DISC1: variants seen among roughly 807,000 people sequenced by gnomAD.
The protein encoded by DISC1 is DISC1 scaffold protein, also known as disrupted in schizophrenia 1 protein.
A neutral mutation model predicts 84.5 loss-of-function variants in DISC1; 57 were observed. The ratio of observed to expected loss-of-function variants is 0.67; its 90% confidence interval spans 0.55 to 0.84. The LOEUF (loss-of-function observed/expected upper bound fraction) is 0.84. Ranked by LOEUF, DISC1 falls within the 40% of genes least tolerant of loss-of-function variation. The pLI is 0.00. For synonymous variants in DISC1, 411 were observed against 415.2 expected (o/e 0.99, Z 0.12); for missense variants, 1,000 against 1,057.8 (o/e 0.95, Z 0.76).
chr1:231,880,461 CA>C (rs2086208161), intron 9 of DISC1, among the ~76,000 whole-genome samples: 1 of 152,104 alleles, frequency 6.6e-6, no homozygotes, highest in Non-Finnish European at 1.5e-5. Flanking sequence ...AGCAGTTATT[CA>C]AATTAAAGTT....
intron 1 of DISC1, among the ~76,000 whole-genome samples, chr1:231,664,052 A>ATCCG: frequency 6.6e-6 from 1 of 151,680 alleles, no homozygotes; most frequent in South Asian, 2.1e-4. Flanking sequence ...CCATCCATCC[A>ATCCG]TCCATCCATC....
chr1:231,791,768 G>A (rs1479988692), intron 6 of DISC1, among the ~76,000 whole-genome samples: 4 of 152,144 alleles, frequency 2.6e-5, no homozygotes, highest in South Asian at 2.1e-4. Flanking sequence ...TAAAGTACAC[G>A]GAACTCCTGC....
chr1:231,758,001 G>A (rs547497561), intron 4 of DISC1, among the ~76,000 whole-genome samples: 3 of 152,002 alleles, frequency 2.0e-5, no homozygotes, highest in East Asian at 1.9e-4. Context: ...TGTGAGGAGG[G>A]GTGGGGGTGG....
intron 9 of DISC1, 84 bp downstream of exon 9, chr1:231,818,601 T>A: frequency 6.3e-7 from 1 of 1,581,074 alleles, no homozygotes; most frequent in Non-Finnish European, 8.6e-7. Context: ...CTGTGCCTTA[T>A]GTGAACGTCA....
chr1:231,912,819 G>GCTTC lies in DISC1; in HGVS notation c.1982-46001_1982-45998dup, dbSNP rs1221369733. Among the ~76,000 whole-genome samples the GCTTC allele has an allele frequency of 5.7e-3, 788 of 138,132 alleles. 10 individuals carry two copies. Among genetic ancestry groups the GCTTC allele is most frequent in the African/African-American group, 0.02 (727 of 37,144 alleles). 90.6% of individuals were successfully genotyped at this position (138,132 alleles called of 152,430 possible). A position where few individuals can be genotyped will look rare whatever the true frequency, so the allele number is the denominator to read the frequency against. On this transcript the variant is annotated intron_variant, in intron 9 of 12. Coordinates refer to ENST00000439617, the MANE Select transcript of DISC1 (RefSeq NM_018662.3). Reference sequence around the variant, plus strand: ...TTTCTTTCTTTCTTTTTCTTTCCTTGCTTCCTTCCTTTCTTCTTCTTTTTC... The same window carrying GCTTC: ...TTTCTTTCTTTCTTTTTCTTTCCTTGCTTCCTTCCTTCCTTTCTTCTTCTTTTTC...
chr1:231,642,179 G>A (rs2059767444), intron 1 of DISC1, among the ~76,000 whole-genome samples: 2 of 152,140 alleles, frequency 1.3e-5, no homozygotes, highest in African/African-American at 4.8e-5. Context: ...CGGGGCCGGC[G>A]GGGCCGGCCG....
intron 8 of DISC1, among the ~76,000 whole-genome samples, chr1:231,810,290 G>A (rs2080170323): frequency 6.6e-6 from 1 of 152,156 alleles, no homozygotes; most frequent in African/African-American, 2.4e-5. Context: ...CAGTGACGAT[G>A]GTCCAGGAGA....
chr1:231,798,595 C>A (rs1467517381), intron 7 of DISC1, among the ~76,000 whole-genome samples: 3 of 152,152 alleles, frequency 2.0e-5, no homozygotes, highest in Non-Finnish European at 4.4e-5. Context: ...ATGTGCCAGT[C>A]ATCTGGTTTG....
chr1:232,041,066 T>C lies in DISC1; in HGVS notation c.*4235T>C, dbSNP rs933655338. The C allele has an allele frequency of 1.4e-4, 21 of 152,360 alleles. No homozygotes were observed. The highest frequency in any genetic ancestry group is 5.0e-4 in the African/African-American group (21 of 41,586). 9.4% of individuals were successfully genotyped at this position (152,360 alleles called of 1,614,324 possible). A position where few individuals can be genotyped will look rare whatever the true frequency, so the allele number is the denominator to read the frequency against. On this transcript the variant is annotated 3_prime_UTR_variant, in exon 13 of 13. Transcript: ENST00000439617. ...TATCTAATCTTTGAATTTTGTCATG[T>C]AATTTATTGCTTCATTAAGGTTACT...
chr1:231,983,326 T>TG (rs1173717643), intron 10 of DISC1, among the ~76,000 whole-genome samples: 3 of 151,558 alleles, frequency 2.0e-5, no homozygotes, highest in Admixed American at 6.6e-5. Flanking sequence ...AGCTGAATTC[T>TG]GGGGAAGCTG....
chr1:231,715,408 T>TTCCA (rs1224003183), intron 3 of DISC1, among the ~76,000 whole-genome samples: 1 of 152,200 alleles, frequency 6.6e-6, no homozygotes. Context: ...ATACAGTCAT[T>TTCCA]TCCATCCCAA....
In DISC1 at chr1:232,009,202, A is replaced by G. The variant is rs187986589; in HGVS notation, c.2307+153A>G. 4.9e-5 allele frequency: 70 copies of G among 1,429,268 alleles called. No homozygotes were observed. In the African/African-American group the frequency reaches 8.2e-4, roughly 17 times the overall value. The allele number at this position is 1,429,268 out of a possible 1,614,324, so 88.5% of individuals were successfully genotyped here. ...CAATAACTCTTGAATATGATTACAA[A>G]ATAAAGTAGAATTTTTGTAGAAGTT... On this transcript the variant is annotated intron_variant, in intron 11 of 12. Transcript: ENST00000439617. This position sits in a 1 kb window ranked among gnomAD's most constrained non-coding sequence, Gnocchi z 4.6.
intron 6 of DISC1, among the ~76,000 whole-genome samples, chr1:231,792,240 T>G (rs998130011): frequency 1.3e-5 from 2 of 152,240 alleles, no homozygotes; most frequent in African/African-American, 4.8e-5. Flanking sequence ...TCTGCATCAC[T>G]GCCCCCTTCC....
At chr1:232,010,610 C>T (rs927575161) in intron 11 of DISC1, among the ~76,000 whole-genome samples, 2 of 152,002 alleles carry the variant, frequency 1.3e-5, no homozygotes, top group Non-Finnish European at 2.9e-5. Flanking sequence ...GACAGAGTAA[C>T]AAGAGAAAAA....
chr1:231,666,308 GGA>G (rs1491484324), intron 1 of DISC1, among the ~76,000 whole-genome samples: 23 of 70,652 alleles, frequency 3.3e-4, no homozygotes, highest in African/African-American at 1.3e-3. Context: ...TTTTGTCTCA[GGA>G]AAAAAAAAAA....
chr1:231,979,236 T>A (rs1663251697), intron 10 of DISC1, among the ~76,000 whole-genome samples: 2 of 152,018 alleles, frequency 1.3e-5, no homozygotes, highest in African/African-American at 2.4e-5. Context: ...GTGAGTTGTA[T>A]AATTGTTTTA....
At chr1:231,721,100 C>T in intron 3 of DISC1, 2 of 1,289,316 alleles carry the variant, frequency 1.6e-6, no homozygotes, top group Non-Finnish European at 1.0e-6. Context: ...AAATGATGTC[C>T]TCATCTGCCA....
chr1:231,976,521 T>C (rs979762983), intron 10 of DISC1, among the ~76,000 whole-genome samples: 5 of 152,322 alleles, frequency 3.3e-5, no homozygotes, highest in African/African-American at 1.2e-4. Flanking sequence ...AGAGTTCTGA[T>C]TCTTAGTTGC....
intron 10 of DISC1, among the ~76,000 whole-genome samples, chr1:231,988,201 G>A (rs1432206490): frequency 6.6e-6 from 1 of 152,080 alleles, no homozygotes; most frequent in Non-Finnish European, 1.5e-5. Context: ...AAAAAGAACC[G>A]CAACTTGGTC....
Sources: allele counts gnomAD v4.1 joint callset (sites outside exome capture counted in the v4.1 genomes callset), GRCh38; gene constraint gnomAD v4.1.1; non-coding constraint Gnocchi (gnomAD v3.1); transcripts MANE v1.5; gene names NCBI Gene and HGNC (gene_info 2026-07-23, HGNC 2026-07-21).